Variants in XRN1 observed in about 807,000 individuals in gnomAD.
XRN1 encodes strand-exchange protein 1 homolog.
A neutral mutation model predicts 222.3 loss-of-function variants in XRN1; 67 were observed. That is an observed-to-expected ratio of 0.30 (90% CI 0.25 to 0.37). XRN1 has a LOEUF of 0.37. Among genes scored for constraint, XRN1 ranks in the 10% least tolerant of loss-of-function variants. The pLI is 1.00. For synonymous variants in XRN1, 643 were observed against 652.4 expected (o/e 0.99, Z 0.22); for missense variants, 1,707 against 2,000.2 (o/e 0.85, Z 2.80).
intron 27 of XRN1, among the ~76,000 whole-genome samples, chr3:142,370,050 G>GAA (rs1163944480): frequency 1.8e-3 from 128 of 69,996 alleles, no homozygotes; most frequent in African/African-American, 4.0e-3. Context: ...CTGTCTCAAA[G>GAA]AAAAAAAAAA....
At chr3:142,331,792 T>C (rs1251986865) in intron 36 of XRN1, among the ~76,000 whole-genome samples, 1 of 152,190 alleles carries the variant, frequency 6.6e-6, no homozygotes, top group Non-Finnish European at 1.5e-5. Context: ...TTTTGTTTTT[T>C]GAGACAGGGT....
Position 142,447,330 on chromosome 3 carries a change from C to G in XRN1, c.75+540G>C, listed in dbSNP as rs2070551913. On this transcript the variant is annotated intron_variant, in intron 1 of 40. Coordinates refer to ENST00000392981, the MANE Select transcript of XRN1 (RefSeq NM_001282857.2). This position sits in a 1 kb window ranked among gnomAD's most constrained non-coding sequence, Gnocchi z 4.2. ...CTGCTTTTGAAATAACAGAAAGTAACAAAAGGCATCACCAATATGACCATC... is the reference window on the plus strand; with the variant it reads ...CTGCTTTTGAAATAACAGAAAGTAAGAAAAGGCATCACCAATATGACCATC... Among the ~76,000 whole-genome samples the G allele has an allele frequency of 6.6e-6, 1 of 152,174 alleles. No homozygotes were observed. The highest frequency in any genetic ancestry group is 1.5e-5 in the Non-Finnish European group (1 of 68,040).
intron 33 of XRN1, among the ~76,000 whole-genome samples, chr3:142,344,848 C>G (rs1422398208): frequency 1.3e-5 from 2 of 152,100 alleles, no homozygotes; most frequent in African/African-American, 4.8e-5. Context: ...AGATTCAATG[C>G]AATCCCTATA....
Position 142,357,113 on chromosome 3 carries a change from T to G in XRN1, c.3471A>C (p.Ser1157=). The change falls in exon 31 of 41, where the codon TCA becomes TCC. Residue 1157 remains serine (S), a synonymous_variant. Transcript: ENST00000392981. The stretch of plus-strand genomic sequence containing the variant: ...TTGGCAGTCGATAACCTCTACCAGG[T>G]GAGCATCTAAAAGTAAAAGTTATAT... The part of the protein sequence containing the change: ...EFPGGLTIRC[S]PGRGYRLPTS... 1 of 1,608,336 alleles carries G rather than the reference T, an allele frequency of 6.2e-7. No individual in the cohort carries two copies. The highest frequency in any genetic ancestry group is 8.5e-7 in the Non-Finnish European group (1 of 1,177,086).
At chr3:142,372,897 G>C (rs1014337379) in intron 25 of XRN1, among the ~76,000 whole-genome samples, 2 of 152,174 alleles carry the variant, frequency 1.3e-5, no homozygotes, top group African/African-American at 4.8e-5. Flanking sequence ...AGTGATACTA[G>C]GAGGTCCTCT....
intron 2 of XRN1, among the ~76,000 whole-genome samples, chr3:142,431,895 A>ATATTG (rs1559879623): frequency 0.026 from 823 of 32,186 alleles, 34 homozygotes; most frequent in African/African-American, 0.13. Context: ...TATATATAAT[A>ATATTG]TATATATTAT....
At chr3:142,416,849 T>C (rs542125756) in intron 13 of XRN1, among the ~76,000 whole-genome samples, 1 of 151,958 alleles carries the variant, frequency 6.6e-6, no homozygotes, top group Non-Finnish European at 1.5e-5. Flanking sequence ...CTGGCCAACA[T>C]GGCGAAACAC....
Position 142,422,741 on chromosome 3 carries a change from T to C in XRN1, c.808A>G (p.Thr270Ala), listed in dbSNP as rs2069091416. The C allele has an allele frequency of 2.5e-6, 4 of 1,609,402 alleles. No individual in the cohort carries two copies. In the East Asian group the frequency reaches 8.9e-5, roughly 36 times the overall value. Residue 270 changes from threonine (T) to alanine (A), a missense_variant, in exon 8 of 41, where the codon ACA becomes GCA. Coordinates refer to ENST00000392981, the MANE Select transcript of XRN1 (RefSeq NM_001282857.2). ...YEFSVLKEKI[T>A]FKYDIERIID... ...ATCCTTTCAATATCATATTTAAATG[T>C]GATCTTTTCCTACAGTAAAATAGAG... is the stretch of plus-strand genomic sequence containing the variant.
chr3:142,428,240 A>C (rs1243733672), intron 2 of XRN1, among the ~76,000 whole-genome samples: 2 of 151,948 alleles, frequency 1.3e-5, no homozygotes, highest in African/African-American at 2.4e-5. Context: ...TAAAAATACA[A>C]AAAGAATTAG....
In XRN1 at chr3:142,357,120, C is replaced by T; in HGVS notation, c.3465-1G>A. ...TCGATAACCTCTACCAGGTGAGCAT[C>T]TAAAAGTAAAAGTTATATCAGGGTT... On this transcript the variant is annotated splice_acceptor_variant, in intron 30 of 40. Transcript: ENST00000392981. LOFTEE classifies it high-confidence loss of function. The T allele has an allele frequency of 6.2e-7, 1 of 1,604,060 alleles. No homozygotes were observed. The highest frequency in any genetic ancestry group is 8.5e-7 in the Non-Finnish European group (1 of 1,174,744).
At chr3:142,415,235 A>C (rs2068737364) in intron 13 of XRN1, among the ~76,000 whole-genome samples, 1 of 152,180 alleles carries the variant, frequency 6.6e-6, no homozygotes, top group African/African-American at 2.4e-5. Context: ...GCTTTGAACA[A>C]ACAATTTTTA....
intron 15 of XRN1, among the ~76,000 whole-genome samples, chr3:142,406,709 G>C (rs958244949): frequency 2.0e-5 from 3 of 150,572 alleles, no homozygotes; most frequent in African/African-American, 7.3e-5. Context: ...TTTTTTTTTG[G>C]TAGAGGTTGG....
intron 37 of XRN1, among the ~76,000 whole-genome samples, chr3:142,327,439 G>A (rs1362881975): frequency 2.0e-5 from 3 of 151,236 alleles, no homozygotes; most frequent in Non-Finnish European, 4.4e-5. Context: ...GTTATCAGAT[G>A]TAATGACTCC....
intron 37 of XRN1, 115 bp from the exon 38 acceptor site, chr3:142,319,018 C>T (rs2065280034): frequency 2.2e-6 from 2 of 912,150 alleles, no homozygotes; most frequent in South Asian, 2.1e-5. Flanking sequence ...AAAGGGCTTT[C>T]AGTTCAAGTT....
intron 32 of XRN1, among the ~76,000 whole-genome samples, chr3:142,349,290 T>C (rs1005142699): frequency 6.6e-6 from 1 of 151,988 alleles, no homozygotes; most frequent in African/African-American, 2.4e-5. Flanking sequence ...TGGCATGAGA[T>C]TTCTATCATC....
chr3:142,432,555 G>C (rs1005041733), intron 2 of XRN1, 106 bp downstream of exon 2: 2 of 1,077,798 alleles, frequency 1.9e-6, no homozygotes, highest in Non-Finnish European at 2.6e-6. Flanking sequence ...GGGAGTTTAC[G>C]CAGAAAATAA....
Position 142,384,503 on chromosome 3 carries a change from G to A in XRN1, c.2502+20C>T. ...TAATAGTGTATATTAAGACAGAATT[G>A]AAACTTGATATAGACTTACCTTGAC... On this transcript the variant is annotated intron_variant, in intron 21 of 40. Transcript: ENST00000392981. 1 of 1,595,310 alleles carries A rather than the reference G, an allele frequency of 6.3e-7. No homozygotes were observed. Among genetic ancestry groups the A allele is most frequent in the African/African-American group, 1.3e-5 (1 of 74,354 alleles).
In XRN1 at chr3:142,432,763, T is replaced by C; in HGVS notation, c.206A>G (p.Glu69Gly). The C allele has an allele frequency of 6.2e-7, 1 of 1,613,786 alleles. No homozygotes were observed. Among genetic ancestry groups the C allele is most frequent in the Non-Finnish European group, 8.5e-7 (1 of 1,179,960 alleles). Reference protein sequence around the residue: ...KIFTDIFHYLEVLFRIIKPRK... With the variant: ...KIFTDIFHYLGVLFRIIKPRK... ...GGGTTTAATAATGCGAAACAACACCTCCAGGTAGTGAAAAATATCAGTAAA... is the reference window on the plus strand; with the variant it reads ...GGGTTTAATAATGCGAAACAACACCCCCAGGTAGTGAAAAATATCAGTAAA... The change falls in exon 2 of 41, where the codon GAG (glutamate) becomes GGG (glycine). Residue 69 changes from glutamate (E) to glycine (G), a missense_variant. Glu to Gly is a moderately conservative substitution (Grantham distance 98). This residue lies in a region of XRN1 where 1,234 missense variants were observed against 1,518.2 expected (regional missense o/e 0.81). Transcript: ENST00000392981.
intron 29 of XRN1, among the ~76,000 whole-genome samples, chr3:142,361,794 TA>T (rs920497037): frequency 1.3e-5 from 2 of 152,008 alleles, no homozygotes; most frequent in Non-Finnish European, 2.9e-5. Flanking sequence ...GGTTAAGTTG[TA>T]AAAAAACTTT....
Sources: allele counts gnomAD v4.1 joint callset (sites outside exome capture counted in the v4.1 genomes callset), GRCh38; gene constraint gnomAD v4.1.1; regional missense constraint gnomAD v4.1.1; non-coding constraint Gnocchi (gnomAD v3.1); transcripts MANE v1.5; gene names NCBI Gene and HGNC (gene_info 2026-07-23, HGNC 2026-07-21).